The following MIB1 variants were observed in gnomAD, a reference collection of about 807,000 sequenced individuals.
The protein encoded by MIB1 is E3 ubiquitin-protein ligase MIB1.
Under a neutral mutation model 124.5 loss-of-function variants are expected in MIB1, and 278 were observed. The observed-to-expected ratio is 2.23, with a 90% CI of 2.02 to 2.47. MIB1 has a LOEUF of 2.47. MIB1 is among the 30% of genes most tolerant of loss of function. The pLI is 0.00. For synonymous variants in MIB1, 446 were observed against 429.4 expected (o/e 1.04, Z -0.48); for missense variants, 957 against 1,254.4 (o/e 0.76, Z 3.58).
intron 1 of MIB1, among the ~76,000 whole-genome samples, chr18:21,730,305 G>T (rs1487989059): frequency 1.3e-5 from 2 of 152,186 alleles, no homozygotes; most frequent in Non-Finnish European, 2.9e-5. Context: ...AGTGGCTCAT[G>T]CCTGTAATCC....
At chr18:21,728,219 G>A (rs970393611) in intron 1 of MIB1, among the ~76,000 whole-genome samples, 10 of 152,218 alleles carry the variant, frequency 6.6e-5, no homozygotes, top group Admixed American at 3.9e-4. Flanking sequence ...TAGGCTGAGC[G>A]CAGTGGCTCA....
intron 9 of MIB1, among the ~76,000 whole-genome samples, chr18:21,800,829 C>T (rs1217993480): frequency 6.6e-6 from 1 of 152,038 alleles, no homozygotes; most frequent in African/African-American, 2.4e-5. Context: ...CAATACAGCA[C>T]AGCAATTTGT....
intron 1 of MIB1, among the ~76,000 whole-genome samples, chr18:21,713,455 C>CA (rs971347225): frequency 4.6e-5 from 7 of 150,996 alleles, no homozygotes; most frequent in East Asian, 3.9e-4. Flanking sequence ...ACTAAAAATA[C>CA]AAAAAAAATT....
intron 17 of MIB1, among the ~76,000 whole-genome samples, chr18:21,850,200 A>C (rs747098477): frequency 4.6e-5 from 7 of 152,102 alleles, no homozygotes; most frequent in Non-Finnish European, 8.8e-5. Flanking sequence ...TTACTGAAAT[A>C]ATTTATTTTT....
At chr18:21,818,277 T>C (rs183302096) in intron 11 of MIB1, among the ~76,000 whole-genome samples, 4 of 152,258 alleles carry the variant, frequency 2.6e-5, no homozygotes, top group African/African-American at 9.6e-5. Context: ...TTTTTTTTCC[T>C]CTGTACAACA....
At chr18:21,840,558 G>T (rs1460589685) in intron 13 of MIB1, among the ~76,000 whole-genome samples, 1 of 150,880 alleles carries the variant, frequency 6.6e-6, no homozygotes, top group Non-Finnish European at 1.5e-5. Flanking sequence ...GGAGGCTGAG[G>T]CAGGAGAATA....
intron 13 of MIB1, among the ~76,000 whole-genome samples, chr18:21,842,804 A>C (rs1023597606): frequency 2.0e-5 from 3 of 152,188 alleles, no homozygotes; most frequent in Non-Finnish European, 4.4e-5. Context: ...TAAGGAGTTG[A>C]TTATCTCCAT....
chr18:21,811,664 A>T (rs960911921), intron 10 of MIB1, among the ~76,000 whole-genome samples: 1 of 152,150 alleles, frequency 6.6e-6, no homozygotes, highest in Non-Finnish European at 1.5e-5. Flanking sequence ...AAATCATGGG[A>T]ACAAAAAGTG....
rs555519170 is a variant in MIB1, at chr18:21,748,150, C to T, written c.229+6338C>T. Among the ~76,000 whole-genome samples the T allele has an allele frequency of 4.6e-5, 7 of 152,266 alleles. No homozygotes were observed. The South Asian group carries it at 1.5e-3, about 32-fold the overall frequency. On this transcript the variant is annotated intron_variant, in intron 1 of 20. Coordinates refer to ENST00000261537, the MANE Select transcript of MIB1 (RefSeq NM_020774.4). ...AGTAGGGATGAATGCCAGTTGATTG[C>T]TTTTCCTCAGTATCATTCTCTTTTT...
chr18:21,848,441 A>G (rs563477594), intron 16 of MIB1, among the ~76,000 whole-genome samples: 42 of 152,168 alleles, frequency 2.8e-4, no homozygotes, highest in Non-Finnish European at 5.9e-4. Context: ...CAAGAGCAAA[A>G]TTCTGTCTCC....
At chr18:21,821,084 C>G (rs1238589997) in intron 12 of MIB1, among the ~76,000 whole-genome samples, 2 of 152,182 alleles carry the variant, frequency 1.3e-5, no homozygotes, top group Non-Finnish European at 2.9e-5. Context: ...CCAATCCTTC[C>G]AACCCATTCC....
intron 10 of MIB1, among the ~76,000 whole-genome samples, chr18:21,810,423 C>T (rs1284410829): frequency 6.6e-6 from 1 of 151,924 alleles, no homozygotes; most frequent in African/African-American, 2.4e-5. Flanking sequence ...AAGAGAGCCC[C>T]AAACAGCCAA....
chr18:21,768,563 A>G (rs1568193430), intron 2 of MIB1, 60 bp from the exon 3 acceptor site: 3 of 1,264,798 alleles, frequency 2.4e-6, no homozygotes, highest in Non-Finnish European at 3.2e-6. Flanking sequence ...TTTGTTTTAA[A>G]AAGTAAATTA....
intron 1 of MIB1, among the ~76,000 whole-genome samples, chr18:21,760,529 G>A (rs1009971242): frequency 5.3e-5 from 8 of 152,206 alleles, no homozygotes; most frequent in African/African-American, 1.4e-4. Context: ...TGGGAACCAA[G>A]AAAGCATTTG....
At chr18:21,788,667 G>A (rs1489596308) in intron 6 of MIB1, among the ~76,000 whole-genome samples, 1 of 152,178 alleles carries the variant, frequency 6.6e-6, no homozygotes, top group Non-Finnish European at 1.5e-5. Flanking sequence ...AGAAAAAGAA[G>A]ATGTGAAACT....
intron 1 of MIB1, among the ~76,000 whole-genome samples, chr18:21,735,487 T>A (rs1324327860): frequency 6.6e-6 from 1 of 151,798 alleles, no homozygotes; most frequent in Non-Finnish European, 1.5e-5. Flanking sequence ...TTTTTTTTTT[T>A]CATACCCCGG....
intron 6 of MIB1, among the ~76,000 whole-genome samples, chr18:21,788,073 G>T (rs1192164804): frequency 6.6e-6 from 1 of 151,672 alleles, no homozygotes; most frequent in African/African-American, 2.4e-5. Context: ...CATCTATTTA[G>T]GTTTACTCTT....
chr18:21,762,751 T>G (rs2041112310), intron 1 of MIB1, among the ~76,000 whole-genome samples: 1 of 152,226 alleles, frequency 6.6e-6, no homozygotes, highest in South Asian at 2.1e-4. Context: ...CTTTAGTTAC[T>G]TTAGTAATAT....
At chr18:21,843,042 T>A in intron 13 of MIB1, 89 bp from the exon 14 acceptor site, 1 of 829,946 alleles carries the variant, frequency 1.2e-6, no homozygotes, top group Non-Finnish European at 1.9e-6. Context: ...CAGTGTTCGG[T>A]GTTATTTATT....
Sources: allele counts gnomAD v4.1 joint callset (sites outside exome capture counted in the v4.1 genomes callset), GRCh38; gene constraint gnomAD v4.1.1; transcripts MANE v1.5; gene names NCBI Gene and HGNC (gene_info 2026-07-23, HGNC 2026-07-21).